Variants in DNAH11 observed in about 807,000 individuals in gnomAD.
DNAH11 encodes axonemal beta dynein heavy chain 11.
DNAH11 carries 442 observed loss-of-function variants against 526.0 expected under a neutral mutation model. The ratio of observed to expected loss-of-function variants is 0.84; its 90% CI spans 0.78 to 0.91. The LOEUF (loss-of-function observed/expected upper bound fraction) is 0.91. Among genes scored for constraint, DNAH11 ranks in the 40% least tolerant of loss-of-function variants. DNAH11 has a pLI of 0.00. For missense variants in DNAH11, 6,989 were observed against 5,448.7 expected, an observed-to-expected ratio of 1.28 and a Z score of -8.90; for synonymous variants, 2,461 against 1,935.9, an observed-to-expected ratio of 1.27 and a Z score of -7.12.
At chr7:21,767,877 T>G (rs1462668652) in intron 55 of DNAH11, among the ~76,000 whole-genome samples, 2 of 152,188 alleles carry the variant, frequency 1.3e-5, no homozygotes, top group Non-Finnish European at 2.9e-5. Context: ...TTTAGGCACT[T>G]CTTAATTATT....
Position 21,884,314 on chromosome 7 carries a change from T to C in DNAH11, c.12411T>C (p.Tyr4137=), listed in dbSNP as rs1189702922. The change falls in exon 76 of 82, where the codon TAT becomes TAC. Residue 4137 remains tyrosine (Y), a synonymous_variant. Coordinates refer to ENST00000409508, the MANE Select transcript of DNAH11 (RefSeq NM_001277115.2). ...NSKVPWEDLR[Y]LFGEIMYGGH... ...AGGTCCCATGGGAAGATCTCCGTTA[T>C]CTCTTTGGTGAGATCATGTATGGAG... The C allele has an allele frequency of 2.5e-6, 4 of 1,609,844 alleles. No individual in the cohort carries two copies. The highest frequency in any genetic ancestry group is 2.2e-5 in the South Asian group (2 of 89,956).
intron 14 of DNAH11, among the ~76,000 whole-genome samples, chr7:21,593,524 A>G (rs1784764239): frequency 6.6e-6 from 1 of 151,992 alleles, no homozygotes; most frequent in Non-Finnish European, 1.5e-5. Context: ...TGTTAACTGC[A>G]GTAATCTAGG....
At chr7:21,896,004 C>T (rs1784502348) in intron 79 of DNAH11, among the ~76,000 whole-genome samples, 1 of 152,192 alleles carries the variant, frequency 6.6e-6, no homozygotes, top group African/African-American at 2.4e-5. Context: ...GCTGGGATTA[C>T]AGGCATGAGC....
intron 69 of DNAH11, among the ~76,000 whole-genome samples, chr7:21,863,016 A>G (rs1017073985): frequency 4.9e-4 from 74 of 150,176 alleles, no homozygotes; most frequent in African/African-American, 1.7e-3. Context: ...GTGAGCTGAG[A>G]TCACGCCACT....
rs576436286 is a variant in DNAH11, at chr7:21,552,527, A to G, written c.496-6275A>G. ...AGAGACTTGCAATCTCCATTCGTCT[A>G]TGAAATTAAGTAAGCTTATGGTGGT... On this transcript the variant is annotated intron_variant, in intron 2 of 81. Coordinates refer to ENST00000409508, the MANE Select transcript of DNAH11 (RefSeq NM_001277115.2). 1.3e-4 allele frequency among the ~76,000 whole-genome samples: 20 copies of G among 152,302 alleles called. No homozygotes were observed. In the South Asian group the frequency reaches 3.1e-3, roughly 24 times the overall value.
intron 58 of DNAH11, 64 bp from the exon 59 acceptor site, chr7:21,786,560 A>G (rs1788201485): frequency 6.6e-7 from 1 of 1,519,182 alleles, no homozygotes; most frequent in Non-Finnish European, 8.9e-7. Context: ...TTGGCAACTT[A>G]CAGAGCTTCT....
chr7:21,869,952 C>G (rs1436977241), intron 73 of DNAH11, among the ~76,000 whole-genome samples: 1 of 152,202 alleles, frequency 6.6e-6, no homozygotes, highest in East Asian at 1.9e-4. Context: ...CCATCCACAG[C>G]AAGCTCTGCT....
intron 51 of DNAH11, among the ~76,000 whole-genome samples, chr7:21,746,383 C>G (rs980179758): frequency 5.3e-5 from 8 of 152,192 alleles, no homozygotes; most frequent in Admixed American, 2.6e-4. Flanking sequence ...GCAGGAGGAT[C>G]ACTTGAGGCC....
intron 67 of DNAH11, 69 bp from the exon 68 acceptor site, chr7:21,854,246 C>T: frequency 6.5e-7 from 1 of 1,532,296 alleles, no homozygotes; most frequent in Non-Finnish European, 8.8e-7. Context: ...TACGTCCTTC[C>T]ATTCCTTGGA....
intron 79 of DNAH11, among the ~76,000 whole-genome samples, chr7:21,899,078 A>C (rs1784637985): frequency 6.6e-6 from 1 of 152,256 alleles, no homozygotes; most frequent in South Asian, 2.1e-4. Flanking sequence ...GCTGTTGCAT[A>C]AATGGAAATG....
intron 47 of DNAH11, 53 bp downstream of exon 47, chr7:21,738,919 A>T: frequency 1.5e-6 from 2 of 1,370,398 alleles, no homozygotes; most frequent in East Asian, 5.1e-5. Context: ...ATTATTATGG[A>T]TAATAATTAC....
At position 21,899,269 on chromosome 7, in the gene DNAH11, C is replaced by G. The variant is rs573953741; in HGVS notation, c.13050-67C>G. On this transcript the variant is annotated intron_variant, in intron 79 of 81. Transcript: ENST00000409508. ...ACCACCCTGCCCTAACCGCCCACAA[C>G]AGAACATACTGGAAAATGGCTATTT... 32 of 1,312,486 alleles carry G rather than the reference C, an allele frequency of 2.4e-5. No homozygotes were observed. The South Asian group carries it at 3.3e-4, about 14-fold the overall frequency. 81.3% of individuals were successfully genotyped at this position (1,312,486 alleles called of 1,614,324 possible).
chr7:21,634,480 C>T (rs1214408040), intron 25 of DNAH11, among the ~76,000 whole-genome samples: 1 of 152,104 alleles, frequency 6.6e-6, no homozygotes, highest in Non-Finnish European at 1.5e-5. Flanking sequence ...ATGTTAAATA[C>T]CTAGAGTAGA....
chr7:21,885,034 T>A (rs1446659655), intron 76 of DNAH11, among the ~76,000 whole-genome samples: 1 of 151,780 alleles, frequency 6.6e-6, no homozygotes, highest in Non-Finnish European at 1.5e-5. Context: ...CATCACACTG[T>A]GCCCCATAAA....
At chr7:21,758,705 A>G (rs758071707) in intron 54 of DNAH11, among the ~76,000 whole-genome samples, 20 of 152,360 alleles carry the variant, frequency 1.3e-4, no homozygotes, top group Middle Eastern at 6.8e-3. Flanking sequence ...ATTATTTTAT[A>G]TTGTAAAAGA....
intron 54 of DNAH11, 96 bp downstream of exon 54, chr7:21,750,460 G>T: frequency 6.8e-7 from 1 of 1,478,586 alleles, no homozygotes. Context: ...TTGAATTTCA[G>T]TCATGCATTT....
At chr7:21,899,535 C>T in intron 80 of DNAH11, 87 bp downstream of exon 80, 1 of 1,012,206 alleles carries the variant, frequency 9.9e-7, no homozygotes, top group South Asian at 1.6e-5. Flanking sequence ...GATGGCGTCT[C>T]CTTGCCCTGC....
At chr7:21,822,874 C>G (rs1790111881) in intron 65 of DNAH11, among the ~76,000 whole-genome samples, 1 of 149,558 alleles carries the variant, frequency 6.7e-6, no homozygotes, top group African/African-American at 2.5e-5. Flanking sequence ...GGGCACATTT[C>G]ATATACCCGT....
chr7:21,880,190 C>A (rs144136765), intron 74 of DNAH11, among the ~76,000 whole-genome samples: 105 of 152,108 alleles, frequency 6.9e-4, no homozygotes, highest in African/African-American at 2.5e-3. Flanking sequence ...AACACTTTAG[C>A]TGAAATTCTG....
Sources: gnomAD v4.1 joint callset for allele counts (sites outside exome capture counted in the v4.1 genomes callset) on GRCh38, gnomAD v4.1.1 for gene constraint, MANE v1.5 for transcripts, NCBI Gene and HGNC (gene_info 2026-07-23, HGNC 2026-07-21) for gene names.